Variants in TTC28 observed in about 807,000 individuals in gnomAD.
The protein encoded by TTC28 is tetratricopeptide repeat domain 28, also known as tetratricopeptide repeat protein 28.
Under a neutral mutation model 198.0 loss-of-function variants are expected in TTC28, and 61 were observed. The observed-to-expected ratio is 0.31, with a 90% CI of 0.25 to 0.38. The LOEUF (loss-of-function observed/expected upper bound fraction) is 0.38, where lower values mean the gene tolerates loss of function less well. Among genes scored for constraint, TTC28 ranks in the 10% least tolerant of loss-of-function variants. The pLI is 1.00. For missense variants in TTC28, 2,678 were observed against 3,164.0 expected (o/e 0.85, Z 3.69); for synonymous variants, 1,171 against 1,297.8 (o/e 0.90, Z 2.10).
At position 28,226,551 on chromosome 22, in the gene TTC28, C is replaced by T. The variant is rs370071705; in HGVS notation, c.934-62952G>A. On this transcript the variant is annotated intron_variant, in intron 5 of 22. Transcript: ENST00000397906. The stretch of plus-strand genomic sequence containing the variant: ...ACGTAATTCTCCCACCTCCGCCTTC[C>T]GAGTAGCTGGGACTACAGGTGGGCG... Among the ~76,000 whole-genome samples the T allele has an allele frequency of 1.2e-4, 19 of 152,156 alleles. No homozygotes were observed. The East Asian group carries it at 2.5e-3, about 20-fold the overall frequency.
rs200880887 is a variant in TTC28, at chr22:27,983,282, C to G, written c.6385G>C (p.Ala2129Pro). The G allele has an allele frequency of 1.3e-6, 2 of 1,551,910 alleles. No individual in the cohort carries two copies. Among genetic ancestry groups the G allele is most frequent in the African/African-American group, 2.7e-5 (2 of 73,000 alleles). Reference protein sequence around the residue: ...NSPFQKVGKLASSDTGESDQS... With the variant: ...NSPFQKVGKLPSSDTGESDQS... Reference sequence around the variant, plus strand: ...TCTGATTCTCCTGTATCTGAGCTTGCTAGTTTTCCCACCTTTTGGAAGGGT... The same window carrying G: ...TCTGATTCTCCTGTATCTGAGCTTGGTAGTTTTCCCACCTTTTGGAAGGGT... Residue 2129 changes from alanine (A) to proline (P), a missense_variant, in exon 23 of 23, where the codon GCA (alanine) becomes CCA (proline). Ala to Pro is a conservative substitution (Grantham distance 27). Transcript: ENST00000397906.
intron 2 of TTC28, among the ~76,000 whole-genome samples, chr22:28,334,289 GTGAAT>G (rs1216812551): frequency 6.6e-6 from 1 of 151,914 alleles, no homozygotes; most frequent in East Asian, 1.9e-4. Context: ...CTTTGCTATT[GTGAAT>G]AGTGCCACAA....
intron 2 of TTC28, among the ~76,000 whole-genome samples, chr22:28,378,345 CA>C (rs134525): frequency 5.0e-3 from 380 of 75,898 alleles, no homozygotes; most frequent in African/African-American, 7.3e-3. Flanking sequence ...GACTCTGTCT[CA>C]AAAAAAAAAA....
chr22:28,124,205 T>TG (rs1942863287), intron 6 of TTC28, among the ~76,000 whole-genome samples: 3 of 141,852 alleles, frequency 2.1e-5, no homozygotes, highest in Admixed American at 1.4e-4. Context: ...GTTGTTTGTT[T>TG]TTTGTTTTTT....
chr22:28,530,094 G>C (rs1337804188), intron 2 of TTC28, among the ~76,000 whole-genome samples: 3 of 151,988 alleles, frequency 2.0e-5, no homozygotes, highest in African/African-American at 7.2e-5. Flanking sequence ...CAGATGATCG[G>C]TAGTAACAAA....
At position 28,660,428 on chromosome 22, in the gene TTC28, T is replaced by G. The variant is rs556406386; in HGVS notation, c.102+19194A>C. Among the ~76,000 whole-genome samples, 3 of 152,120 alleles carry G rather than the reference T, an allele frequency of 2.0e-5. No homozygotes were observed. The East Asian group carries it at 5.8e-4, about 30-fold the overall frequency. ...GCAACCTCTGCCTCCCAGGTTCAAG[T>G]GATTCTTCTGCCTCAGCCTCCCAAG... is the stretch of plus-strand genomic sequence containing the variant. On this transcript the variant is annotated intron_variant, in intron 1 of 22. Transcript: ENST00000397906.
chr22:28,007,456 A>G (rs1937974023), intron 14 of TTC28: 1 of 152,202 alleles, frequency 6.6e-6, no homozygotes, highest in Non-Finnish European at 1.5e-5. Context: ...GGTTTGCCTG[A>G]AGTACCTAAG....
In TTC28 at chr22:28,548,783, C is replaced by G. The variant is rs556731778; in HGVS notation, c.381+80769G>C. On this transcript the variant is annotated intron_variant, in intron 2 of 22. Coordinates refer to ENST00000397906, the MANE Select transcript of TTC28 (RefSeq NM_001145418.2). ...ACAAGAAGGCCATTTTTCTCATCGG[C>G]TCATAAACATGTTTCCTTACCCCCA... Among the ~76,000 whole-genome samples, 16 of 152,278 alleles carry G rather than the reference C, an allele frequency of 1.1e-4. No individual in the cohort carries two copies. In the East Asian group the frequency reaches 2.7e-3, roughly 26 times the overall value.
intron 6 of TTC28, among the ~76,000 whole-genome samples, chr22:28,123,401 G>A (rs943285163): frequency 4.6e-5 from 7 of 152,092 alleles, no homozygotes; most frequent in African/African-American, 1.7e-4. Flanking sequence ...GACTACAAGC[G>A]CATGCCACCA....
At chr22:28,541,046 C>T (rs1052372369) in intron 2 of TTC28, among the ~76,000 whole-genome samples, 1 of 152,154 alleles carries the variant, frequency 6.6e-6, no homozygotes. Context: ...AAAAATTATA[C>T]TTGATATACT....
At chr22:28,343,438 G>C (rs539753346) in intron 2 of TTC28, among the ~76,000 whole-genome samples, 9 of 151,558 alleles carry the variant, frequency 5.9e-5, no homozygotes, top group Middle Eastern at 6.8e-3. Flanking sequence ...GCTGAGACAG[G>C]AGAATCACTT....
At chr22:28,117,305 T>C (rs1287646864) in intron 6 of TTC28, among the ~76,000 whole-genome samples, 1 of 152,208 alleles carries the variant, frequency 6.6e-6, no homozygotes, top group East Asian at 1.9e-4. Flanking sequence ...ATGAATATAA[T>C]ACTTTGTTGT....
intron 2 of TTC28, among the ~76,000 whole-genome samples, chr22:28,504,147 G>A (rs2048572036): frequency 6.6e-6 from 1 of 151,876 alleles, no homozygotes; most frequent in Non-Finnish European, 1.5e-5. Flanking sequence ...ATATGGTAAA[G>A]GAAAAAAATT....
At chr22:28,112,975 GAAT>G (rs1276512131) in intron 6 of TTC28, among the ~76,000 whole-genome samples, 9 of 152,198 alleles carry the variant, frequency 5.9e-5, no homozygotes, top group Non-Finnish European at 1.3e-4. Flanking sequence ...ACTGCCATGG[GAAT>G]AATAATAGCT....
At chr22:28,525,186 G>A (rs1025156242) in intron 2 of TTC28, among the ~76,000 whole-genome samples, 7 of 152,098 alleles carry the variant, frequency 4.6e-5, no homozygotes, top group African/African-American at 1.4e-4. Context: ...GTCTCACTCT[G>A]TCACCGAGGC....
At chr22:28,165,931 C>T (rs1207640182) in intron 5 of TTC28, among the ~76,000 whole-genome samples, 3 of 152,096 alleles carry the variant, frequency 2.0e-5, no homozygotes, top group Non-Finnish European at 2.9e-5. Flanking sequence ...ATTCAGGAAA[C>T]CCATCTCACA....
chr22:28,285,138 T>A (rs564955952), intron 5 of TTC28, among the ~76,000 whole-genome samples: 1 of 152,254 alleles, frequency 6.6e-6, no homozygotes, highest in South Asian at 2.1e-4. Flanking sequence ...GTGTGTGTGT[T>A]TGTGTGTGTA....
chr22:28,345,232 C>T (rs966459373), intron 2 of TTC28, among the ~76,000 whole-genome samples: 1 of 152,076 alleles, frequency 6.6e-6, no homozygotes, highest in Non-Finnish European at 1.5e-5. Flanking sequence ...ATATTTGGAA[C>T]CACAAAGGAA....
intron 5 of TTC28, among the ~76,000 whole-genome samples, chr22:28,294,565 T>C (rs1675593630): frequency 1.3e-5 from 2 of 148,440 alleles, no homozygotes; most frequent in Middle Eastern, 7.0e-3. Context: ...GCTCTTGCCT[T>C]TTTTTTTTTT....
Sources: gnomAD v4.1 joint callset for allele counts (sites outside exome capture counted in the v4.1 genomes callset) on GRCh38, gnomAD v4.1.1 for gene constraint, MANE v1.5 for transcripts, NCBI Gene and HGNC (gene_info 2026-07-23, HGNC 2026-07-21) for gene names.